Variants in ANPEP observed in about 807,000 individuals in gnomAD.
ANPEP encodes aminopeptidase N.
A neutral mutation model predicts 114.6 loss-of-function variants in ANPEP; 70 were observed. The observed-to-expected ratio is 0.61, with a 90% CI of 0.50 to 0.75. The LOEUF is 0.75. ANPEP is among the 30% of genes least tolerant of loss of function. The pLI, the probability that ANPEP is intolerant of heterozygous loss-of-function variation, is 0.00. For synonymous variants in ANPEP, 548 were observed against 522.3 expected, an observed-to-expected ratio of 1.05 and a Z score of -0.67; for missense variants, 1,184 against 1,259.5, an observed-to-expected ratio of 0.94 and a Z score of 0.91.
chr15:89,795,763 T>C (rs1329808470), intron 15 of ANPEP, among the ~76,000 whole-genome samples: 1 of 152,160 alleles, frequency 6.6e-6, no homozygotes, highest in Admixed American at 6.5e-5. Context: ...GAACCCTTTC[T>C]CAAAAACTCC....
At position 89,799,573 on chromosome 15, in the gene ANPEP, C is replaced by T. The variant is rs372362530; in HGVS notation, c.1820-14G>A. ...GATCGTTCTGGGCTGTGGAGAGGGA[C>T]GAGACCTGGGCAGGGCTGCTCAGAG... On this transcript the variant is annotated splice_polypyrimidine_tract_variant and intron_variant, in intron 12 of 20. Transcript: ENST00000300060. This position sits in a 1 kb window ranked among gnomAD's most constrained non-coding sequence, Gnocchi z 4.2. The T allele has an allele frequency of 1.0e-4, 165 of 1,613,978 alleles. No homozygotes were observed. The African/African-American group carries it at 1.1e-3, about 10-fold the overall frequency.
At chr15:89,797,804 A>T in intron 14 of ANPEP, 82 bp from the exon 15 acceptor site, 2 of 1,583,022 alleles carry the variant, frequency 1.3e-6, no homozygotes, top group Non-Finnish European at 1.7e-6. Flanking sequence ...AGGCCCTCAA[A>T]GATGCTCCAC....
chr15:89,805,127 A>G lies in ANPEP; in HGVS notation c.848T>C (p.Ile283Thr), dbSNP rs752425875. ...PKMSTYLLAF[I>T]VSEFDYVEKQ... The stretch of plus-strand genomic sequence containing the variant: ...CTCCACGTAGTCGAACTCACTGACA[A>G]TGAAGGCCAGCAAGTACGTGGACAT... Residue 283 changes from isoleucine (I) to threonine (T), a missense_variant, in exon 4 of 21, where the codon ATT becomes ACT. Coordinates refer to ENST00000300060, the MANE Select transcript of ANPEP (RefSeq NM_001150.3). 6.2e-7 allele frequency: 1 copy of G among 1,614,126 alleles called. No individual in the cohort carries two copies. The highest frequency in any genetic ancestry group is 8.5e-7 in the Non-Finnish European group (1 of 1,180,046).
At chr15:89,808,753 C>T (rs554821894) in intron 1 of ANPEP, among the ~76,000 whole-genome samples, 71 of 152,310 alleles carry the variant, frequency 4.7e-4, no homozygotes, top group Non-Finnish European at 7.5e-4. Flanking sequence ...GGGCCTCACT[C>T]GTCTGCCACC....
At chr15:89,800,556 C>CTTT (rs759889538) in intron 12 of ANPEP, among the ~76,000 whole-genome samples, 59 of 124,354 alleles carry the variant, frequency 4.7e-4, no homozygotes, top group East Asian at 1.6e-3. Context: ...GGATTCTCTC[C>CTTT]TTTTTTTTTT....
chr15:89,803,777 A>G lies in ANPEP; in HGVS notation c.1307T>C (p.Val436Ala), dbSNP rs1323691484. The G allele has an allele frequency of 6.2e-7, 1 of 1,607,548 alleles. No homozygotes were observed. Among genetic ancestry groups the G allele is most frequent in the Non-Finnish European group, 8.5e-7 (1 of 1,175,198 alleles). The change falls in exon 8 of 21, where the codon GTG becomes GCG. Residue 436 changes from valine (V) to alanine (A), a missense_variant. Coordinates refer to ENST00000300060, the MANE Select transcript of ANPEP (RefSeq NM_001150.3). This position sits in a 1 kb window ranked among gnomAD's most constrained non-coding sequence, Gnocchi z 4.2. The stretch of plus-strand genomic sequence containing the variant: ...CATCACGCGGTACACATCATTCAGC[A>G]CCATGAGGTCTTTCTGCAAATTCCC... ...EPTWNLKDLM[V>A]LNDVYRVMAV...
chr15:89,803,678 C>G lies in ANPEP; in HGVS notation c.1406G>C (p.Ser469Thr), dbSNP rs1296735239. ...ASEINTPAQISELFDAISYSK... is the reference protein window; with the variant it reads ...ASEINTPAQITELFDAISYSK... ...GTAGGAGATGGCGTCAAACAGCTCACTGATCTGGGCCGGCGTGTTGATCTC... is the reference window on the plus strand; with the variant it reads ...GTAGGAGATGGCGTCAAACAGCTCAGTGATCTGGGCCGGCGTGTTGATCTC... Residue 469 changes from serine (S) to threonine (T), a missense_variant, in exon 8 of 21, where the codon AGT becomes ACT. Transcript: ENST00000300060. The surrounding 1 kb of genome is among the most constrained non-coding windows in gnomAD (Gnocchi z 4.2). 2 of 1,613,100 alleles carry G rather than the reference C, an allele frequency of 1.2e-6. No individual in the cohort carries two copies. The highest frequency in any genetic ancestry group is 2.2e-5 in the South Asian group (2 of 90,994).
Position 89,805,421 on chromosome 15 carries a change from C to T in ANPEP, c.657G>A (p.Lys219=). The T allele has an allele frequency of 6.2e-7, 1 of 1,614,210 alleles. No individual in the cohort carries two copies. The highest frequency in any genetic ancestry group is 8.5e-7 in the Non-Finnish European group (1 of 1,180,026). The change falls in exon 3 of 21, where the codon AAG becomes AAA. Residue 219 remains lysine (K), a synonymous_variant. Transcript: ENST00000300060. ...CCGGCTCATCGAAGCATGGGAAGGA[C>T]TTCCGGGCATCTGCAGCCTGCATCT... The part of the protein sequence containing the change: ...TTQMQAADAR[K]SFPCFDEPAM...
At chr15:89,807,632 CAG>C (rs1894741894) in intron 1 of ANPEP, among the ~76,000 whole-genome samples, 1 of 152,144 alleles carries the variant, frequency 6.6e-6, no homozygotes, top group African/African-American at 2.4e-5. Flanking sequence ...ATCCGGGAGG[CAG>C]AGATTGCAGT....
At chr15:89,813,140 G>A (rs901340721) in intron 1 of ANPEP, among the ~76,000 whole-genome samples, 2 of 152,080 alleles carry the variant, frequency 1.3e-5, no homozygotes, top group Admixed American at 6.6e-5. Flanking sequence ...CCAGGGCCTC[G>A]GTGTGCGGCT....
chr15:89,798,547 G>A (rs1293509678), intron 14 of ANPEP, among the ~76,000 whole-genome samples: 1 of 151,134 alleles, frequency 6.6e-6, no homozygotes, highest in African/African-American at 2.4e-5. Context: ...CGAGAAGGGA[G>A]AATCGCTTGA....
At chr15:89,809,969 C>T (rs937182194) in intron 1 of ANPEP, among the ~76,000 whole-genome samples, 1 of 152,176 alleles carries the variant, frequency 6.6e-6, no homozygotes, top group African/African-American at 2.4e-5. Flanking sequence ...TCTTGTCAAA[C>T]TCCTACTCAT....
intron 1 of ANPEP, among the ~76,000 whole-genome samples, chr15:89,807,427 G>A (rs986057665): frequency 6.6e-6 from 1 of 152,220 alleles, no homozygotes; most frequent in Non-Finnish European, 1.5e-5. Flanking sequence ...CCGGCTGGGC[G>A]TGGTGGCTCA....
At chr15:89,814,618 A>T (rs372286126) in intron 1 of ANPEP, among the ~76,000 whole-genome samples, 154 bp downstream of exon 1, 2 of 152,120 alleles carry the variant, frequency 1.3e-5, no homozygotes, top group African/African-American at 4.8e-5. Context: ...CCTGGCCCTC[A>T]GTTTACCCAT....
At chr15:89,793,182 C>A in intron 15 of ANPEP, 56 bp from the exon 16 acceptor site, 1 of 1,481,162 alleles carries the variant, frequency 6.8e-7, no homozygotes, top group Non-Finnish European at 9.4e-7. Flanking sequence ...CTGCCTGGAG[C>A]CCCACAGAGC....
Position 89,806,755 on chromosome 15 carries a change from C to T in ANPEP, c.-172G>A. On this transcript the variant is annotated 5_prime_UTR_variant, in exon 2 of 21. Coordinates refer to ENST00000300060, the MANE Select transcript of ANPEP (RefSeq NM_001150.3). The surrounding 1 kb of genome is among the most constrained non-coding windows in gnomAD (Gnocchi z 5.7). ...CTGGACTGGGCAGGGGCACGCTCCGCCTGGGGAGAGGAGATCCAGGAACGG... is the reference window on the plus strand; with the variant it reads ...CTGGACTGGGCAGGGGCACGCTCCGTCTGGGGAGAGGAGATCCAGGAACGG... The T allele has an allele frequency of 7.5e-6, 8 of 1,066,396 alleles. No homozygotes were observed. Among genetic ancestry groups the T allele is most frequent in the Non-Finnish European group, 1.0e-5 (8 of 768,546 alleles). 66.1% of individuals were successfully genotyped at this position (1,066,396 alleles called of 1,614,324 possible).
At chr15:89,787,040 C>CTTTTT (rs1015822999) in intron 20 of ANPEP, among the ~76,000 whole-genome samples, 7 of 91,062 alleles carry the variant, frequency 7.7e-5, no homozygotes, top group Admixed American at 1.5e-4. Flanking sequence ...TAATAAAACT[C>CTTTTT]TTTTTTTTTT....
intron 16 of ANPEP, 117 bp from the exon 17 acceptor site, chr15:89,792,679 C>T: frequency 2.3e-6 from 2 of 868,654 alleles, no homozygotes; most frequent in Non-Finnish European, 3.6e-6. Flanking sequence ...AACTGGCCCT[C>T]TGACCCCCGC....
At chr15:89,788,228 T>A (rs377576516) in intron 20 of ANPEP, among the ~76,000 whole-genome samples, 1 of 152,324 alleles carries the variant, frequency 6.6e-6, no homozygotes, top group Admixed American at 6.5e-5. Flanking sequence ...ACAACCCAAA[T>A]GCCCATCAAT....
Sources: allele counts gnomAD v4.1 joint callset (sites outside exome capture counted in the v4.1 genomes callset), GRCh38; gene constraint gnomAD v4.1.1; non-coding constraint Gnocchi (gnomAD v3.1); transcripts MANE v1.5; gene names NCBI Gene and HGNC (gene_info 2026-07-23, HGNC 2026-07-21).